PCDHA7: variants seen among roughly 807,000 people sequenced by gnomAD.
PCDHA7 encodes the protein protocadherin alpha 7.
In PCDHA7, 37 loss-of-function variants were observed where a neutral mutation model predicts 57.2. That is an observed-to-expected ratio of 0.65 (90% CI 0.50 to 0.85). PCDHA7 has a LOEUF of 0.85. PCDHA7 is among the 40% of genes least tolerant of loss of function. The pLI, the probability that PCDHA7 is intolerant of heterozygous loss-of-function variation, is 0.00. For missense variants in PCDHA7, 1,188 were observed against 1,241.8 expected (o/e 0.96, Z 0.65); for synonymous variants, 553 against 558.8 (o/e 0.99, Z 0.15).
In PCDHA7 at chr5:140,893,407, C is replaced by T. The variant is rs782798159; in HGVS notation, c.2355+56669C>T. Among the ~76,000 whole-genome samples, 300 of 152,168 alleles carry T rather than the reference C, an allele frequency of 2.0e-3. 2 individuals are homozygous for T. The highest frequency in any genetic ancestry group is 3.7e-3 in the Non-Finnish European group (250 of 67,998). The stretch of plus-strand genomic sequence containing the variant: ...GTGGCTCATGCCTGTAATCCCAGCA[C>T]TTAGGGAGGCAGAGGCAGGAAGATC... On this transcript the variant is annotated intron_variant, in intron 1 of 3. Transcript: ENST00000525929.
intron 1 of PCDHA7, among the ~76,000 whole-genome samples, chr5:140,855,450 T>C (rs1304022224): frequency 6.7e-6 from 1 of 149,974 alleles, no homozygotes; most frequent in African/African-American, 2.4e-5. Context: ...TTCGGAGTTA[T>C]AAACACCTCA....
intron 1 of PCDHA7, among the ~76,000 whole-genome samples, chr5:140,897,022 A>G (rs1009125089): frequency 2.6e-5 from 4 of 152,142 alleles, no homozygotes; most frequent in Non-Finnish European, 2.9e-5. Flanking sequence ...CAACTAAATT[A>G]TTTAGACCAT....
intron 1 of PCDHA7, among the ~76,000 whole-genome samples, chr5:140,896,511 C>T (rs1344026446): frequency 6.6e-6 from 1 of 151,744 alleles, no homozygotes; most frequent in Non-Finnish European, 1.5e-5. Context: ...TGTGCAGGCA[C>T]ACACCACAAA....
intron 1 of PCDHA7, among the ~76,000 whole-genome samples, chr5:140,950,286 C>G (rs2094469059): frequency 6.6e-6 from 1 of 151,924 alleles, no homozygotes; most frequent in Non-Finnish European, 1.5e-5. Flanking sequence ...TTGCTTCAAC[C>G]TGAAAAACTT....
At chr5:140,861,557 G>A in intron 1 of PCDHA7, 1 of 398,292 alleles carries the variant, frequency 2.5e-6, no homozygotes, top group Non-Finnish European at 5.2e-6. Context: ...AAGTGATCGT[G>A]GACAAGCTGC....
chr5:140,842,799 C>T lies in PCDHA7; in HGVS notation c.2355+6061C>T, dbSNP rs2150344737. ...CAGGAGAACGCGCTGGTGTCCTACT[C>T]GCTTGTGGAGCGGCGGGTGGGCGAG... On this transcript the variant is annotated intron_variant, in intron 1 of 3. Coordinates refer to ENST00000525929, the MANE Select transcript of PCDHA7 (RefSeq NM_018910.3). 1.6e-5 allele frequency: 25 copies of T among 1,594,312 alleles called. 3 individuals carry two copies. Among genetic ancestry groups the T allele is most frequent in the Non-Finnish European group, 1.7e-5 (20 of 1,165,456 alleles).
intron 1 of PCDHA7, chr5:140,864,182 TA>T: frequency 6.6e-6 from 1 of 152,352 alleles, no homozygotes; most frequent in East Asian, 1.9e-4. Context: ...TCATGATGAA[TA>T]ATGATCCTTA....
At chr5:140,838,892 G>A (rs2150293495) in intron 1 of PCDHA7, among the ~76,000 whole-genome samples, 5 of 151,826 alleles carry the variant, frequency 3.3e-5, no homozygotes, top group Non-Finnish European at 5.9e-5. Context: ...TCCAGCCTAG[G>A]TGACAGAGCA....
At chr5:140,891,432 C>T (rs183679) in intron 1 of PCDHA7, among the ~76,000 whole-genome samples, 69,006 of 149,136 alleles carry the variant, frequency 0.46, 16,159 homozygotes, top group South Asian at 0.58. Context: ...AAGTCCCCAA[C>T]GTCCATTGTA....
At chr5:140,884,388 T>C in intron 1 of PCDHA7, 1 of 1,613,960 alleles carries the variant, frequency 6.2e-7, no homozygotes, top group Non-Finnish European at 8.5e-7. Flanking sequence ...ATCTGCGCGG[T>C]GTCCAGCCTG....
chr5:140,941,573 C>T (rs1220556647), intron 1 of PCDHA7, among the ~76,000 whole-genome samples: 1 of 152,108 alleles, frequency 6.6e-6, no homozygotes, highest in African/African-American at 2.4e-5. Flanking sequence ...CCTCAGCCTC[C>T]CAAAGTGCTG....
Position 140,982,457 on chromosome 5 carries a change from G to A in PCDHA7, c.2415-18G>A, listed in dbSNP as rs782510565. 6.2e-7 allele frequency: 1 copy of A among 1,613,966 alleles called. No homozygotes were observed. Among genetic ancestry groups the A allele is most frequent in the African/African-American group, 1.3e-5 (1 of 74,916 alleles). ...AATTTATGATCTAACCGTTATCTGG[G>A]TCTGTGTGTTTATTCAGCTCTGTGC... On this transcript the variant is annotated intron_variant, in intron 2 of 3. Transcript: ENST00000525929.
At chr5:140,911,814 C>T (rs1165066555) in intron 1 of PCDHA7, among the ~76,000 whole-genome samples, 2 of 152,136 alleles carry the variant, frequency 1.3e-5, no homozygotes, top group African/African-American at 4.8e-5. Context: ...GCAGCCTTCT[C>T]CAGAAACCCC....
At chr5:141,000,538 A>C (rs31871) in intron 3 of PCDHA7, among the ~76,000 whole-genome samples, 70,673 of 145,962 alleles carry the variant, frequency 0.48, 18,171 homozygotes, top group African/African-American at 0.68. Flanking sequence ...AGTGATTCTC[A>C]TGCCTCAAAC....
At chr5:140,868,911 G>T in intron 1 of PCDHA7, 1 of 892,226 alleles carries the variant, frequency 1.1e-6, no homozygotes. Flanking sequence ...CTCTTTACTT[G>T]GTGGAAAGTT....
intron 1 of PCDHA7, chr5:140,867,711 G>T (rs1202135456): frequency 2.0e-5 from 3 of 151,816 alleles, no homozygotes; most frequent in Non-Finnish European, 2.9e-5. Flanking sequence ...AATCCTAAGG[G>T]TATATGAAAA....
intron 1 of PCDHA7, chr5:140,870,513 C>G: frequency 6.2e-7 from 1 of 1,614,254 alleles, no homozygotes; most frequent in Non-Finnish European, 8.5e-7. Flanking sequence ...ACCCACCAGG[C>G]TGCCACATCT....
intron 1 of PCDHA7, among the ~76,000 whole-genome samples, chr5:140,948,646 G>A (rs1030231985): frequency 3.3e-5 from 5 of 151,616 alleles, no homozygotes; most frequent in South Asian, 2.1e-4. Context: ...ATCTTTTAAC[G>A]TCTGTATAAT....
At chr5:140,966,360 A>T (rs1169207709) in intron 1 of PCDHA7, 1 of 400,440 alleles carries the variant, frequency 2.5e-6, no homozygotes, top group Non-Finnish European at 4.4e-6. Flanking sequence ...ATGGGGCTGG[A>T]GAGGCTGAGC....
Sources: allele counts gnomAD v4.1 joint callset (sites outside exome capture counted in the v4.1 genomes callset), GRCh38; gene constraint gnomAD v4.1.1; transcripts MANE v1.5; gene names NCBI Gene and HGNC (gene_info 2026-07-23, HGNC 2026-07-21).